The following HMCN2 variants were observed in gnomAD, a reference collection of about 807,000 sequenced individuals.
The protein encoded by HMCN2 is hemicentin 2.
In HMCN2, 325 loss-of-function variants were observed where a neutral mutation model predicts 377.5. The ratio of observed to expected loss-of-function variants is 0.86; its 90% CI spans 0.79 to 0.94. HMCN2 has a LOEUF of 0.94. Ranked by LOEUF, HMCN2 falls within the 40% of genes least tolerant of loss-of-function variation. HMCN2 has a pLI of 0.00. For synonymous variants in HMCN2, 2,007 were observed against 2,046.8 expected (o/e 0.98, Z 0.53); for missense variants, 4,543 against 4,725.3 (o/e 0.96, Z 1.13).
chr9:130,374,781 A>C, intron 49 of HMCN2, 88 bp downstream of exon 49: 1 of 576,644 alleles, frequency 1.7e-6, no homozygotes, highest in Non-Finnish European at 2.2e-6. Flanking sequence ...CTTCCCACAA[A>C]CCATTCTACT....
Position 130,427,516 on chromosome 9 carries a change from A to G in HMCN2, c.13962A>G (p.Gly4654=). ...CCCCAGACAGGGACGAGTGCTCAGGAGGCCCTAGCCCCTGCTCCCATGCCT... is the reference window on the plus strand; with the variant it reads ...CCCCAGACAGGGACGAGTGCTCAGGGGGCCCTAGCCCCTGCTCCCATGCCT... The part of the protein sequence containing the change: ...AFCVDRDECS[G]GPSPCSHACL... The change falls in exon 92 of 98, where the codon GGA becomes GGG. Residue 4654 remains glycine (G), a synonymous_variant. Coordinates refer to ENST00000683500, the MANE Select transcript of HMCN2 (RefSeq NM_001291815.2). 1.3e-6 allele frequency: 2 copies of G among 1,550,376 alleles called. No homozygotes were observed. Among genetic ancestry groups the G allele is most frequent in the Non-Finnish European group, 1.7e-6 (2 of 1,146,920 alleles).
intron 1 of HMCN2, among the ~76,000 whole-genome samples, chr9:130,272,732 A>G (rs1362859192): frequency 2.6e-5 from 4 of 151,944 alleles, no homozygotes; most frequent in African/African-American, 9.7e-5. Context: ...GTGTGTATAT[A>G]TATTTGGTAG....
chr9:130,406,542 G>A (rs1434532691), intron 82 of HMCN2: 4 of 256,562 alleles, frequency 1.6e-5, no homozygotes, highest in Admixed American at 4.9e-5. Flanking sequence ...TGATGTCTAG[G>A]GAGACACAGG....
At chr9:130,368,651 A>T (rs1840833275) in intron 44 of HMCN2, among the ~76,000 whole-genome samples, 1 of 152,254 alleles carries the variant, frequency 6.6e-6, no homozygotes, top group Admixed American at 6.5e-5. Context: ...ATTGACTCAC[A>T]GTTCCACATG....
At position 130,360,735 on chromosome 9, in the gene HMCN2, A is replaced by C; in HGVS notation, c.5950+131A>C. Reference sequence around the variant, plus strand: ...ACCCCATCCATCCGTTACCCCATCCATCCATCATCCATCCAACCATCCATC... The same window carrying C: ...ACCCCATCCATCCGTTACCCCATCCCTCCATCATCCATCCAACCATCCATC... On this transcript the variant is annotated intron_variant, in intron 38 of 97. Coordinates refer to ENST00000683500, the MANE Select transcript of HMCN2 (RefSeq NM_001291815.2). This position sits in a 1 kb window ranked among gnomAD's most constrained non-coding sequence, Gnocchi z 4.7. 2 of 378,612 alleles carry C rather than the reference A, an allele frequency of 5.3e-6. No individual in the cohort carries two copies. The highest frequency in any genetic ancestry group is 9.2e-5 in the East Asian group (1 of 10,820). The allele number at this position is 378,612 out of a possible 1,614,324, so 23.5% of individuals were successfully genotyped here.
At chr9:130,295,990 G>A (rs1836129322) in intron 6 of HMCN2, among the ~76,000 whole-genome samples, 1 of 152,196 alleles carries the variant, frequency 6.6e-6, no homozygotes, top group East Asian at 1.9e-4. Context: ...GGGTTACTTT[G>A]GGAACATTTA....
At chr9:130,362,651 G>C (rs979959008) in intron 39 of HMCN2, among the ~76,000 whole-genome samples, 1 of 152,264 alleles carries the variant, frequency 6.6e-6, no homozygotes, top group African/African-American at 2.4e-5. Context: ...GGCTCTAGAG[G>C]ACTCTTCCTG....
chr9:130,361,118 T>C lies in HMCN2; in HGVS notation c.5950+514T>C, dbSNP rs1238636546. 6.6e-6 allele frequency among the ~76,000 whole-genome samples: 1 copy of C among 152,210 alleles called. No individual in the cohort carries two copies. Among genetic ancestry groups the C allele is most frequent in the Non-Finnish European group, 1.5e-5 (1 of 68,036 alleles). ...TCCATTTTCTATCCAACCACACTTA[T>C]TGAGTCCATGCTCTGGGGCGGAGAC... On this transcript the variant is annotated intron_variant, in intron 38 of 97. Coordinates refer to ENST00000683500, the MANE Select transcript of HMCN2 (RefSeq NM_001291815.2). This position sits in a 1 kb window ranked among gnomAD's most constrained non-coding sequence, Gnocchi z 4.8.
chr9:130,267,608 G>A (rs554484878), intron 1 of HMCN2, among the ~76,000 whole-genome samples: 2 of 152,228 alleles, frequency 1.3e-5, no homozygotes, highest in African/African-American at 2.4e-5. Context: ...ACCATTACAG[G>A]TTCTTAGAAA....
At chr9:130,326,646 G>A (rs1199119362) in intron 21 of HMCN2, among the ~76,000 whole-genome samples, 7 of 152,224 alleles carry the variant, frequency 4.6e-5, no homozygotes, top group African/African-American at 1.7e-4. Flanking sequence ...CGGGGAACAC[G>A]GGAGGGCTAG....
rs782607186 is a variant in HMCN2 at position 130,304,029 on chromosome 9, C to T, written c.1543+421C>T. On this transcript the variant is annotated intron_variant, in intron 10 of 97. Coordinates refer to ENST00000683500, the MANE Select transcript of HMCN2 (RefSeq NM_001291815.2). The surrounding 1 kb of genome is among the most constrained non-coding windows in gnomAD (Gnocchi z 4.3). The stretch of plus-strand genomic sequence containing the variant: ...TTGGCTTTATTTGAAAAATTACGAA[C>T]GCAAGCTGCTTTGTAGAGAAAAAAA... Among the ~76,000 whole-genome samples, 9 of 152,296 alleles carry T rather than the reference C, an allele frequency of 5.9e-5. No individual in the cohort carries two copies. Among genetic ancestry groups the T allele is most frequent in the East Asian group, 1.9e-4 (1 of 5,186 alleles).
Position 130,355,011 on chromosome 9 carries a change from G to T in HMCN2, c.5113G>T (p.Glu1705Ter), listed in dbSNP as rs1161411702. The T allele has an allele frequency of 7.7e-7, 1 of 1,292,502 alleles. No individual in the cohort carries two copies. Among genetic ancestry groups the T allele is most frequent in the Non-Finnish European group, 1.0e-6 (1 of 988,268 alleles). 80.1% of individuals were successfully genotyped at this position (1,292,502 alleles called of 1,614,324 possible). ...YSCVASSPAG[E>*]AVLQYSVEVQ... ...CTGTGTGGCCAGCAGTCCTGCCGGG[G>T]AAGCCGTCCTGCAGTACTCCGTGGA... Residue 1705 changes from glutamate (E) to a stop codon, truncating the protein, a stop_gained, in exon 32 of 98, where the codon GAA becomes TAA. Coordinates refer to ENST00000683500, the MANE Select transcript of HMCN2 (RefSeq NM_001291815.2). LOFTEE classifies it high-confidence loss of function.
Position 130,383,692 on chromosome 9 carries a change from C to T in HMCN2, c.8830+92C>T, listed in dbSNP as rs561893369. 27 of 511,302 alleles carry T rather than the reference C, an allele frequency of 5.3e-5. No homozygotes were observed. In the East Asian group the frequency reaches 3.6e-3, roughly 68 times the overall value. 31.7% of individuals were successfully genotyped at this position (511,302 alleles called of 1,614,324 possible). A position where few individuals can be genotyped will look rare whatever the true frequency, so the allele number is the denominator to read the frequency against. On this transcript the variant is annotated intron_variant, in intron 57 of 97. Coordinates refer to ENST00000683500, the MANE Select transcript of HMCN2 (RefSeq NM_001291815.2). ...GCTTCCAGTATCCTGGGCTCTGGGT[C>T]CTGCAATCAGAGTTCAGGGATCCCA...
intron 55 of HMCN2, 83 bp downstream of exon 55, chr9:130,382,380 GCA>G (rs1841775922): frequency 5.8e-6 from 3 of 517,578 alleles, no homozygotes; most frequent in Non-Finnish European, 7.5e-6. Flanking sequence ...GAGGCAAAGT[GCA>G]CACAGTCTTG....
chr9:130,391,835 C>G (rs993122227), intron 65 of HMCN2, 100 bp from the exon 66 acceptor site: 1 of 731,742 alleles, frequency 1.4e-6, no homozygotes, highest in African/African-American at 1.9e-5. Flanking sequence ...TGGTTGCTGG[C>G]GGCAGAAGTC....
intron 8 of HMCN2, among the ~76,000 whole-genome samples, chr9:130,301,831 C>G (rs1007604046): frequency 6.6e-6 from 1 of 152,248 alleles, no homozygotes; most frequent in African/African-American, 2.4e-5. Context: ...GCACCCAGCT[C>G]TGATGGGCCA....
rs151127426 is a variant in HMCN2 at position 130,403,222 on chromosome 9, C to A, written c.11907C>A (p.Ser3969Arg). ...QASPVVKPLPSVVRAVAEEEV... is the reference protein window; with the variant it reads ...QASPVVKPLPRVVRAVAEEEV... Reference sequence around the variant, plus strand: ...CCCCGGTGGTGAAGCCGCTGCCCAGCGTGGTTCGGGCAGTGGCAGAGGAGG... The same window carrying A: ...CCCCGGTGGTGAAGCCGCTGCCCAGAGTGGTTCGGGCAGTGGCAGAGGAGG... The change falls in exon 79 of 98, where the codon AGC (serine) becomes AGA (arginine). Residue 3969 changes from serine to arginine, a missense_variant. This residue lies in a region of HMCN2 where 1,073 missense variants were observed against 1,319.5 expected (regional missense o/e 0.81). Coordinates refer to ENST00000683500, the MANE Select transcript of HMCN2 (RefSeq NM_001291815.2). 14 of 1,289,730 alleles carry A rather than the reference C, an allele frequency of 1.1e-5. No homozygotes were observed. Among genetic ancestry groups the A allele is most frequent in the Non-Finnish European group, 1.4e-5 (14 of 988,822 alleles). 79.9% of individuals were successfully genotyped at this position (1,289,730 alleles called of 1,614,324 possible). A position where few individuals can be genotyped will look rare whatever the true frequency, so the allele number is the denominator to read the frequency against.
chr9:130,432,505 G>C lies in HMCN2; in HGVS notation c.14844G>C (p.Gln4948His), dbSNP rs1047607143. Residue 4948 changes from glutamine to histidine, a missense_variant, in exon 97 of 98, where the codon CAG becomes CAC. Gln to His is a conservative substitution (Grantham distance 24). Around this residue, in one of 5 missense-constraint regions of HMCN2, gnomAD observed 1,155 missense variants for 1,157.7 expected, o/e 1.00. Coordinates refer to ENST00000683500, the MANE Select transcript of HMCN2 (RefSeq NM_001291815.2). ...QMCFNTRGSY[Q>H]CVDTPCPATY... ...GCTTCAACACCCGTGGCAGCTACCA[G>C]TGTGTGGACACACCCTGTCCTGCCA... The C allele has an allele frequency of 9.7e-6, 15 of 1,550,604 alleles. No homozygotes were observed. Among genetic ancestry groups the C allele is most frequent in the Admixed American group, 2.0e-5 (1 of 50,988 alleles).
rs546210729 is a variant in HMCN2, at chr9:130,286,903, G to A, written c.612+593G>A. Among the ~76,000 whole-genome samples the A allele has an allele frequency of 1.4e-4, 22 of 152,026 alleles. No homozygotes were observed. In the South Asian group the frequency reaches 2.9e-3, roughly 20 times the overall value. ...ACAGGGCTCTGTCCTTCCTCCTCTC[G>A]GGGCTCCATGGTATCATCCTGTTCA... On this transcript the variant is annotated intron_variant, in intron 4 of 97. Transcript: ENST00000683500.
Sources: allele counts gnomAD v4.1 joint callset (sites outside exome capture counted in the v4.1 genomes callset), GRCh38; gene constraint gnomAD v4.1.1; regional missense constraint gnomAD v4.1.1; non-coding constraint Gnocchi (gnomAD v3.1); transcripts MANE v1.5; gene names NCBI Gene and HGNC (gene_info 2026-07-23, HGNC 2026-07-21).